Variants in PCTP observed in about 807,000 individuals in gnomAD.
PCTP encodes phosphatidylcholine transfer protein, also known as START domain-containing protein 2.
In PCTP, 27 loss-of-function variants were observed where a neutral mutation model predicts 31.0. The observed-to-expected ratio is 0.87, with a 90% CI of 0.64 to 1.20. The LOEUF (loss-of-function observed/expected upper bound fraction) is 1.20, where lower values mean the gene tolerates loss of function less well. PCTP is among the 50% of genes most tolerant of loss of function. The pLI, the probability that PCTP is intolerant of heterozygous loss-of-function variation, is 0.00. For synonymous variants in PCTP, 108 were observed against 101.2 expected (o/e 1.07, Z -0.40); for missense variants, 287 against 268.2 (o/e 1.07, Z -0.49).
chr17:55,841,990 A>G (rs1905997708), intron 5 of PCTP, among the ~76,000 whole-genome samples: 1 of 152,188 alleles, frequency 6.6e-6, no homozygotes, highest in South Asian at 2.1e-4. Flanking sequence ...GTATATAGAA[A>G]AAATATATAA....
downstream of PCTP, among the ~76,000 whole-genome samples, chr17:55,781,304 T>A (rs1911557534): frequency 6.6e-6 from 1 of 152,252 alleles, no homozygotes; most frequent in African/African-American, 2.4e-5. Flanking sequence ...ACTCTTTTTG[T>A]CTATGTTGGA....
intron 1 of PCTP, among the ~76,000 whole-genome samples, chr17:55,764,733 A>G (rs1372596036): frequency 2.0e-5 from 3 of 152,208 alleles, no homozygotes; most frequent in Admixed American, 2.0e-4. Context: ...CAGCATGTTT[A>G]TTCCTTGACT....
intron 4 of PCTP, 81 bp from the exon 5 acceptor site, chr17:55,774,711 A>T: frequency 8.9e-7 from 1 of 1,118,276 alleles, no homozygotes; most frequent in Non-Finnish European, 1.4e-6. Flanking sequence ...GAATATGAAG[A>T]TATAAAGTTT....
the PCTP span, among the ~76,000 whole-genome samples, chr17:55,849,252 A>G: frequency 1.3e-5 from 2 of 152,246 alleles, no homozygotes; most frequent in Non-Finnish European, 2.9e-5. Context: ...TAGCTAAAAT[A>G]AATACATATT....
intron 5 of PCTP, among the ~76,000 whole-genome samples, chr17:55,837,458 G>T (rs1027257498): frequency 6.6e-6 from 1 of 152,082 alleles, no homozygotes; most frequent in Non-Finnish European, 1.5e-5. Flanking sequence ...CCTCTTAGAC[G>T]ATTTGGATGC....
intron 3 of PCTP, 40 bp downstream of exon 3, chr17:55,771,225 G>T (rs1234056948): frequency 6.8e-7 from 1 of 1,475,666 alleles, no homozygotes; most frequent in African/African-American, 1.4e-5. Context: ...GGCCCTCTAA[G>T]TGTTTCTGTG....
In PCTP at chr17:55,832,389, AAAG is replaced by A. The variant is rs1383953313; in HGVS notation, n.505+9470_505+9472del. ...CTGCCTCAGGACGTTTGAAGGGGGA[AAAG>A]AAGAAGAGAAATTTCTGCTCCAGGA... On this transcript the variant is annotated intron_variant and non_coding_transcript_variant, in intron 5 of 5. Coordinates refer to the PCTP transcript ENST00000576221. Among the ~76,000 whole-genome samples, 5 of 152,342 alleles carry A rather than the reference AAAG, an allele frequency of 3.3e-5. No homozygotes were observed. The Middle Eastern group carries it at 0.014, about 415-fold the overall frequency.
chr17:55,845,966 T>C (rs1036580721), downstream of PCTP, among the ~76,000 whole-genome samples: 1 of 151,086 alleles, frequency 6.6e-6, no homozygotes. Context: ...GAAAGTGCTC[T>C]TGAAATGCGC....
At position 55,767,455 on chromosome 17, in the gene PCTP, G is replaced by A; in HGVS notation, c.259+3G>A. On this transcript the variant is annotated splice_donor_region_variant and intron_variant, in intron 2 of 5. Coordinates refer to ENST00000268896, the MANE Select transcript of PCTP (RefSeq NM_021213.4). ...ACAATGGGACCAGTATGTTAAAGGT[G>A]AGTGATGCTTGCTTTTCTTTTTTTT... 6.5e-7 allele frequency: 1 copy of A among 1,548,348 alleles called. No individual in the cohort carries two copies. The highest frequency in any genetic ancestry group is 8.8e-7 in the Non-Finnish European group (1 of 1,136,814).
intron 3 of PCTP, among the ~76,000 whole-genome samples, chr17:55,789,889 A>G (rs1366813556): frequency 1.3e-5 from 2 of 152,190 alleles, no homozygotes; most frequent in African/African-American, 4.8e-5. Context: ...ATGAACATTG[A>G]TGCAAAAATC....
intron 1 of PCTP, among the ~76,000 whole-genome samples, chr17:55,753,149 A>G (rs755403077): frequency 3.3e-5 from 5 of 152,216 alleles, no homozygotes. Context: ...AGACGTGTCT[A>G]GCATCTGGCT....
chr17:55,786,346 C>T (rs1300548945), intron 2 of PCTP, among the ~76,000 whole-genome samples: 1 of 152,164 alleles, frequency 6.6e-6, no homozygotes, highest in East Asian at 1.9e-4. Context: ...TGTGTATACT[C>T]TGTTGAAGTC....
chr17:55,778,228 A>G (rs1241022223), downstream of PCTP, among the ~76,000 whole-genome samples: 1 of 150,528 alleles, frequency 6.6e-6, no homozygotes, highest in Non-Finnish European at 1.5e-5. Context: ...AAAAAAAAAA[A>G]TAGAACTGGT....
At chr17:55,793,275 T>G (rs1178792641) in intron 3 of PCTP, among the ~76,000 whole-genome samples, 1 of 152,050 alleles carries the variant, frequency 6.6e-6, no homozygotes, top group Admixed American at 6.6e-5. Flanking sequence ...TTCTGGACAG[T>G]CAGAAACACT....
intron 2 of PCTP, chr17:55,770,342 C>T (rs1157144139): frequency 1.3e-5 from 2 of 152,192 alleles, no homozygotes; most frequent in African/African-American, 2.4e-5. Flanking sequence ...CCTTCATATC[C>T]GACCTATGAA....
At chr17:55,846,495 C>A (rs1211271699), downstream of PCTP, among the ~76,000 whole-genome samples, 1 of 152,086 alleles carries the variant, frequency 6.6e-6, no homozygotes, top group Non-Finnish European at 1.5e-5. Flanking sequence ...TAAAGAGGAT[C>A]TAATTTAGCA....
chr17:55,820,948 C>T (rs969283695), intron 3 of PCTP, among the ~76,000 whole-genome samples: 2 of 152,154 alleles, frequency 1.3e-5, no homozygotes, highest in East Asian at 1.9e-4. Flanking sequence ...GGCAGTGCAG[C>T]CACTTTGGAA....
chr17:55,829,743 ACTTT>A (rs1905534694), intron 5 of PCTP, among the ~76,000 whole-genome samples: 2 of 151,888 alleles, frequency 1.3e-5, no homozygotes, highest in African/African-American at 4.8e-5. Flanking sequence ...TTGTAAAAGA[ACTTT>A]CTATGTTTGA....
intron 3 of PCTP, among the ~76,000 whole-genome samples, chr17:55,771,588 G>C (rs1411107670): frequency 2.0e-5 from 3 of 152,226 alleles, no homozygotes; most frequent in Admixed American, 2.0e-4. Context: ...TAGGTGGTTA[G>C]TGGCAGAGCA....
Sources: gnomAD v4.1 joint callset for allele counts (sites outside exome capture counted in the v4.1 genomes callset) on GRCh38, gnomAD v4.1.1 for gene constraint, MANE v1.5 for transcripts, NCBI Gene and HGNC (gene_info 2026-07-23, HGNC 2026-07-21) for gene names.